SDK2: variants seen among roughly 807,000 people sequenced by gnomAD.
SDK2 encodes the protein protein sidekick-2.
SDK2 carries 105 observed loss-of-function variants against 253.9 expected under a neutral mutation model. That is an observed-to-expected ratio of 0.41 (90% CI 0.35 to 0.49). The LOEUF is 0.49. Ranked by LOEUF, SDK2 falls within the 20% of genes least tolerant of loss-of-function variation. The pLI is 0.06. For missense variants in SDK2, 2,608 were observed against 3,003.0 expected (o/e 0.87, Z 3.07); for synonymous variants, 1,249 against 1,234.9 (o/e 1.01, Z -0.24).
chr17:73,636,552 G>A (rs1191884194), intron 1 of SDK2, among the ~76,000 whole-genome samples: 2 of 151,878 alleles, frequency 1.3e-5, no homozygotes, highest in Non-Finnish European at 2.9e-5. Context: ...GTGGCAGCAC[G>A]TGCCTGTAAT....
intron 1 of SDK2, among the ~76,000 whole-genome samples, chr17:73,544,384 C>T (rs990070600): frequency 6.6e-6 from 1 of 152,186 alleles, no homozygotes. Context: ...CACTGAGCTC[C>T]GTGAGGACAG....
chr17:73,453,411 C>T (rs1423463223), intron 4 of SDK2, among the ~76,000 whole-genome samples: 1 of 146,470 alleles, frequency 6.8e-6, no homozygotes, highest in East Asian at 2.0e-4. Context: ...GAGTCTTGCT[C>T]TTGTCACCCA....
At chr17:73,400,715 G>A (rs1321130932) in intron 21 of SDK2, among the ~76,000 whole-genome samples, 1 of 151,430 alleles carries the variant, frequency 6.6e-6, no homozygotes, top group Non-Finnish European at 1.5e-5. Context: ...GTGCAGTGGT[G>A]TGATCTCGGC....
intron 1 of SDK2, among the ~76,000 whole-genome samples, chr17:73,554,903 ACT>A (rs1220862257): frequency 6.6e-6 from 1 of 152,166 alleles, no homozygotes; most frequent in African/African-American, 2.4e-5. Context: ...CAGGATCAAA[ACT>A]CTGTGAGTTT....
chr17:73,513,670 C>T (rs1388383118), intron 1 of SDK2: 1 of 152,234 alleles, frequency 6.6e-6, no homozygotes, highest in African/African-American at 2.4e-5. Context: ...CTTATAACAG[C>T]AAAAGCTTGG....
chr17:73,543,964 C>T (rs185184732), intron 1 of SDK2, among the ~76,000 whole-genome samples: 49 of 152,332 alleles, frequency 3.2e-4, no homozygotes, highest in Non-Finnish European at 6.2e-4. Context: ...ATCTAGGGGA[C>T]ACCAGGAGAG....
At position 73,570,809 on chromosome 17, in the gene SDK2, T is replaced by G. The variant is rs918620173; in HGVS notation, c.65-63212A>C. Among the ~76,000 whole-genome samples, 2 of 152,202 alleles carry G rather than the reference T, an allele frequency of 1.3e-5. No individual in the cohort carries two copies. The highest frequency in any genetic ancestry group is 2.9e-5 in the Non-Finnish European group (2 of 68,036). The stretch of plus-strand genomic sequence containing the variant: ...TTCCTGTGTTCTTCCTGCCCCTCAC[T>G]GGACTGAACTGAGTTTAGCCCGAAA... On this transcript the variant is annotated intron_variant, in intron 1 of 44. Coordinates refer to ENST00000392650, the MANE Select transcript of SDK2 (RefSeq NM_001144952.2). This position sits in a 1 kb window ranked among gnomAD's most constrained non-coding sequence, Gnocchi z 4.2.
intron 26 of SDK2, among the ~76,000 whole-genome samples, 160 bp from the exon 27 acceptor site, chr17:73,393,909 T>A (rs893844432): frequency 6.6e-6 from 1 of 152,136 alleles, no homozygotes; most frequent in African/African-American, 2.4e-5. Flanking sequence ...TAAAAGGAAT[T>A]CTAAAAGATA....
At chr17:73,557,575 T>A (rs1427895159) in intron 1 of SDK2, among the ~76,000 whole-genome samples, 1 of 152,172 alleles carries the variant, frequency 6.6e-6, no homozygotes, top group Non-Finnish European at 1.5e-5. Flanking sequence ...AGTGCTAGGA[T>A]TACAGGCATG....
intron 1 of SDK2, among the ~76,000 whole-genome samples, chr17:73,579,011 C>T (rs1204566911): frequency 2.0e-5 from 3 of 152,164 alleles, no homozygotes; most frequent in Non-Finnish European, 4.4e-5. Flanking sequence ...CACCCCTTGT[C>T]GGCCGGGTCA....
In SDK2 at chr17:73,454,722, G is replaced by C. The variant is rs80044545; in HGVS notation, c.479+1184C>G. Among the ~76,000 whole-genome samples, 157 of 152,210 alleles carry C rather than the reference G, an allele frequency of 1.0e-3. 1 individual carries two copies. The East Asian group carries it at 0.026, about 25-fold the overall frequency. On this transcript the variant is annotated intron_variant, in intron 4 of 44. Coordinates refer to ENST00000392650, the MANE Select transcript of SDK2 (RefSeq NM_001144952.2). ...GGTGATATTATCATTATTTGAGATGGAGTCTGGTTTTGTCTGGAGGCTGGA... is the reference window on the plus strand; with the variant it reads ...GGTGATATTATCATTATTTGAGATGCAGTCTGGTTTTGTCTGGAGGCTGGA...
At chr17:73,457,266 CCTTCCTTCCTTCCTTCCT>C (rs2063533385) in intron 3 of SDK2, among the ~76,000 whole-genome samples, 14 of 65,758 alleles carry the variant, frequency 2.1e-4, no homozygotes, top group Admixed American at 9.5e-4. Context: ...TTCCTTCCTT[CCTTCCTTCCTTCCTTCCT>C]TCCCCCCTCC....
chr17:73,444,747 G>C (rs1385352553), intron 5 of SDK2, among the ~76,000 whole-genome samples: 1 of 152,180 alleles, frequency 6.6e-6, no homozygotes, highest in Admixed American at 6.5e-5. Context: ...TGAGGCTCAG[G>C]GACCATGGGA....
At chr17:73,461,492 G>C (rs1267512767) in intron 3 of SDK2, among the ~76,000 whole-genome samples, 1 of 152,226 alleles carries the variant, frequency 6.6e-6, no homozygotes, top group Non-Finnish European at 1.5e-5. Flanking sequence ...AAGCTGAGTA[G>C]GTATTCCCTA....
chr17:73,502,462 G>A (rs1260061613), intron 2 of SDK2, among the ~76,000 whole-genome samples: 1 of 152,128 alleles, frequency 6.6e-6, no homozygotes, highest in African/African-American at 2.4e-5. Flanking sequence ...ACAAGGAAAT[G>A]TTCAGAATCT....
At chr17:73,386,605 T>C in intron 30 of SDK2, 57 bp from the exon 31 acceptor site, 2 of 1,268,912 alleles carry the variant, frequency 1.6e-6, no homozygotes, top group Non-Finnish European at 2.2e-6. Context: ...CCTCGCCCCA[T>C]GCTCCCACCA....
intron 1 of SDK2, among the ~76,000 whole-genome samples, chr17:73,592,008 A>G (rs2045689078): frequency 6.6e-6 from 1 of 152,212 alleles, no homozygotes; most frequent in South Asian, 2.1e-4. Context: ...TGCACCTTGC[A>G]GTTTCTCACC....
intron 1 of SDK2, among the ~76,000 whole-genome samples, chr17:73,580,428 G>A (rs766378940): frequency 6.6e-6 from 1 of 152,258 alleles, no homozygotes; most frequent in Non-Finnish European, 1.5e-5. Context: ...TGTACCCTGA[G>A]TAAGGCTGTT....
intron 1 of SDK2, among the ~76,000 whole-genome samples, chr17:73,610,811 T>C (rs1438822111): frequency 6.6e-6 from 1 of 151,920 alleles, no homozygotes; most frequent in Non-Finnish European, 1.5e-5. Context: ...TGTGTACAAG[T>C]GGAGGAGTGT....
Sources: gnomAD v4.1 joint callset for allele counts (sites outside exome capture counted in the v4.1 genomes callset) on GRCh38, gnomAD v4.1.1 for gene constraint, Gnocchi (gnomAD v3.1) non-coding constraint, MANE v1.5 for transcripts, NCBI Gene and HGNC (gene_info 2026-07-23, HGNC 2026-07-21) for gene names.